Variants in FAP observed in about 807,000 individuals in gnomAD.
FAP encodes the protein prolyl endopeptidase FAP.
In FAP, 110 loss-of-function variants were observed where a neutral mutation model predicts 126.5. The observed-to-expected ratio is 0.87, with a 90% confidence interval of 0.74 to 1.02. The LOEUF (loss-of-function observed/expected upper bound fraction) is 1.02. Ranked by LOEUF, FAP falls within the 50% of genes least tolerant of loss-of-function variation. The pLI is 0.00. For missense variants in FAP, 919 were observed against 909.2 expected, an observed-to-expected ratio of 1.01 and a Z score of -0.14; for synonymous variants, 334 against 297.3, an observed-to-expected ratio of 1.12 and a Z score of -1.27.
At chr2:162,217,661 G>A (rs753238131) in intron 9 of FAP, among the ~76,000 whole-genome samples, 1 of 152,100 alleles carries the variant, frequency 6.6e-6, no homozygotes, top group Non-Finnish European at 1.5e-5. Flanking sequence ...AGAGAGAATT[G>A]CAAAACAGAA....
intron 15 of FAP, 115 bp downstream of exon 15, chr2:162,200,451 A>G: frequency 1.6e-6 from 1 of 622,336 alleles, no homozygotes; most frequent in East Asian, 3.1e-5. Flanking sequence ...TAAATTCATA[A>G]ATGATTTTTA....
intron 20 of FAP, among the ~76,000 whole-genome samples, chr2:162,185,531 C>T (rs1032836087): frequency 4.6e-5 from 7 of 152,130 alleles, no homozygotes; most frequent in African/African-American, 1.7e-4. Flanking sequence ...TCCCTTATGT[C>T]TGTAGCTTCA....
chr2:162,243,069 T>G, intron 1 of FAP, 77 bp from the exon 2 acceptor site: 1 of 1,170,474 alleles, frequency 8.5e-7, no homozygotes, highest in Non-Finnish European at 1.3e-6. Context: ...TGTTTACACC[T>G]AAATCCTTTT....
chr2:162,223,643 G>A lies in FAP; in HGVS notation c.378C>T (p.Tyr126=). 1 of 1,609,790 alleles carries A rather than the reference G, an allele frequency of 6.2e-7. No individual in the cohort carries two copies. Among genetic ancestry groups the A allele is most frequent in the Non-Finnish European group, 8.5e-7 (1 of 1,176,374 alleles). ...GGTCATAGATGTAATATGTTGCTGT[G>A]TAAGAGTATCTCCAAAGCTGTCAGA... The part of the protein sequence containing the change: ...SDYSKLWRYS[Y]TATYYIYDLS... The change falls in exon 6 of 26, where the codon TAC becomes TAT. Residue 126 remains tyrosine (Y), a synonymous_variant. Transcript: ENST00000188790.
At chr2:162,240,356 A>G (rs1309037698) in intron 2 of FAP, among the ~76,000 whole-genome samples, 1 of 152,166 alleles carries the variant, frequency 6.6e-6, no homozygotes, top group Non-Finnish European at 1.5e-5. Context: ...TTATTCCTAA[A>G]CCCTTTTAAT....
chr2:162,243,232 T>C, intron 1 of FAP, 90 bp downstream of exon 1: 1 of 1,057,046 alleles, frequency 9.5e-7, no homozygotes, highest in East Asian at 2.4e-5. Flanking sequence ...TATGTACAAA[T>C]CTTCACCTTC....
At chr2:162,223,564 T>G in intron 6 of FAP, 44 bp downstream of exon 6, 1 of 1,164,812 alleles carries the variant, frequency 8.6e-7, no homozygotes, top group African/African-American at 1.5e-5. Context: ...GAAAACATTC[T>G]AGGTATTAGA....
At chr2:162,201,310 A>C (rs1476178834) in intron 14 of FAP, among the ~76,000 whole-genome samples, 1 of 152,214 alleles carries the variant, frequency 6.6e-6, no homozygotes, top group African/African-American at 2.4e-5. Flanking sequence ...ACAATTAGGC[A>C]GTCCAGTTCT....
At chr2:162,179,400 A>G (rs1459777371) in intron 21 of FAP, among the ~76,000 whole-genome samples, 2 of 152,146 alleles carry the variant, frequency 1.3e-5, no homozygotes, top group Non-Finnish European at 2.9e-5. Flanking sequence ...GATTTATAGG[A>G]TTAAAGTCAG....
chr2:162,190,411 CACAA>C (rs1559767203), intron 17 of FAP, among the ~76,000 whole-genome samples: 1 of 152,038 alleles, frequency 6.6e-6, no homozygotes, highest in African/African-American at 2.4e-5. Flanking sequence ...CACACACACA[CACAA>C]ACACACACTA....
chr2:162,237,128 T>G (rs1306652569), intron 2 of FAP, among the ~76,000 whole-genome samples: 2 of 152,216 alleles, frequency 1.3e-5, no homozygotes, highest in Non-Finnish European at 2.9e-5. Context: ...AATAAGTTCT[T>G]GGTTCTCTAT....
In FAP at chr2:162,217,654, G is replaced by A. The variant is rs78269962; in HGVS notation, c.762+332C>T. ...TTTGCATTTACATGAGAATTCAAGA[G>A]AGAATTGCAAAACAGAACTTTACCC... is the stretch of plus-strand genomic sequence containing the variant. On this transcript the variant is annotated intron_variant, in intron 9 of 25. Transcript: ENST00000188790. 4.3e-3 allele frequency among the ~76,000 whole-genome samples: 659 copies of A among 152,222 alleles called. 27 individuals carry two copies. The East Asian group carries it at 0.11, about 24-fold the overall frequency.
chr2:162,174,241 C>A (rs1003951329), intron 22 of FAP, among the ~76,000 whole-genome samples: 10 of 152,096 alleles, frequency 6.6e-5, no homozygotes, highest in Admixed American at 6.6e-5. Context: ...GATGCACACA[C>A]TTTTTTTCTT....
At chr2:162,180,700 T>C (rs564907588) in intron 21 of FAP, among the ~76,000 whole-genome samples, 57 of 152,114 alleles carry the variant, frequency 3.7e-4, no homozygotes, top group African/African-American at 1.4e-3. Flanking sequence ...CGAATTTGGG[T>C]GAATAAGTGT....
intron 12 of FAP, among the ~76,000 whole-genome samples, chr2:162,203,960 T>C (rs1266906112): frequency 6.6e-6 from 1 of 152,210 alleles, no homozygotes; most frequent in African/African-American, 2.4e-5. Context: ...TTGTCTTACA[T>C]TTGCTGACTT....
intron 17 of FAP, among the ~76,000 whole-genome samples, chr2:162,190,121 A>T (rs1559767016): frequency 6.6e-6 from 1 of 152,060 alleles, no homozygotes; most frequent in African/African-American, 2.4e-5. Context: ...TACTTAAAAA[A>T]ATGTAGTGGA....
chr2:162,178,511 CA>C (rs1687567400), intron 21 of FAP, among the ~76,000 whole-genome samples: 1 of 152,104 alleles, frequency 6.6e-6, no homozygotes, highest in Non-Finnish European at 1.5e-5. Context: ...CAGACGTTGT[CA>C]AATGTCCCAA....
chr2:162,229,890 A>G (rs908053386), intron 2 of FAP, among the ~76,000 whole-genome samples: 1 of 152,208 alleles, frequency 6.6e-6, no homozygotes, highest in Non-Finnish European at 1.5e-5. Flanking sequence ...TTAAGCATGT[A>G]CTAATTGTAC....
chr2:162,235,769 G>A (rs568679738), intron 2 of FAP, among the ~76,000 whole-genome samples: 66 of 152,198 alleles, frequency 4.3e-4, no homozygotes, highest in Admixed American at 1.8e-3. Flanking sequence ...TTGTTCTTTC[G>A]CTCTTTGCAA....
Sources: gnomAD v4.1 joint callset for allele counts (sites outside exome capture counted in the v4.1 genomes callset) on GRCh38, gnomAD v4.1.1 for gene constraint, MANE v1.5 for transcripts, NCBI Gene and HGNC (gene_info 2026-07-23, HGNC 2026-07-21) for gene names.